The following GART variants were observed in gnomAD, a reference collection of about 807,000 sequenced individuals.
The protein encoded by GART is phosphoribosylglycinamide formyltransferase, phosphoribosylglycinamide synthetase, phosphoribosylaminoimidazole synthetase, also known as trifunctional purine biosynthetic protein adenosine-3.
Under a neutral mutation model 107.2 loss-of-function variants are expected in GART, and 43 were observed. The ratio of observed to expected loss-of-function variants is 0.40; its 90% CI spans 0.31 to 0.52. GART has a LOEUF of 0.52. Among genes scored for constraint, GART ranks in the 20% least tolerant of loss-of-function variants. The pLI is 0.52. For synonymous variants in GART, 434 were observed against 427.0 expected, an observed-to-expected ratio of 1.02 and a Z score of -0.20; for missense variants, 1,107 against 1,206.5, an observed-to-expected ratio of 0.92 and a Z score of 1.22.
At chr21:33,513,652 T>C (rs572548820) in intron 16 of GART, among the ~76,000 whole-genome samples, 3 of 152,340 alleles carry the variant, frequency 2.0e-5, no homozygotes, top group East Asian at 3.9e-4. Flanking sequence ...AGCTGGGAAA[T>C]GTCCATTCTT....
intron 5 of GART, 46 bp from the exon 6 acceptor site, chr21:33,531,603 T>C: frequency 6.6e-7 from 1 of 1,504,416 alleles, no homozygotes; most frequent in Non-Finnish European, 9.0e-7. Flanking sequence ...AAAAGAGGCT[T>C]GGTAAGTTTT....
In GART at chr21:33,517,126, G is replaced by A. The variant is rs368190761; in HGVS notation, c.1970C>T (p.Thr657Met). The A allele has an allele frequency of 1.8e-5, 29 of 1,609,072 alleles. No homozygotes were observed. In the Middle Eastern group the frequency reaches 5.0e-4, roughly 28 times the overall value. Residue 657 changes from threonine to methionine, a missense_variant, in exon 16 of 22, where the codon ACG (threonine) becomes ATG (methionine). Transcript: ENST00000381815. ...GDQTLGDLLL[T>M]PTRIYSHSLL... Reference sequence around the variant, plus strand: ...TGAATGGCTGTAGATTCTGGTAGGCGTGAGAAGTAAGTCCCCTGCATGTTG... The same window carrying A: ...TGAATGGCTGTAGATTCTGGTAGGCATGAGAAGTAAGTCCCCTGCATGTTG...
chr21:33,504,562 A>G, intron 20 of GART, 35 bp from the exon 21 acceptor site: 2 of 1,455,734 alleles, frequency 1.4e-6, no homozygotes, highest in South Asian at 2.3e-5. Flanking sequence ...GTCAGAATTT[A>G]AAAATCCTGG....
chr21:33,530,636 G>C (rs916997388), intron 7 of GART, 123 bp downstream of exon 7: 4 of 1,007,912 alleles, frequency 4.0e-6, no homozygotes, highest in African/African-American at 1.7e-5. Context: ...TTTAATTGCT[G>C]ATTAGTAACA....
chr21:33,533,966 G>A (rs971572856), intron 4 of GART, among the ~76,000 whole-genome samples: 8 of 151,984 alleles, frequency 5.3e-5, no homozygotes, highest in South Asian at 2.1e-4. Flanking sequence ...TGTGAAGAGC[G>A]CACAACTGCA....
At chr21:33,534,537 C>G in intron 4 of GART, 42 bp downstream of exon 4, 30 of 1,608,788 alleles carry the variant, frequency 1.9e-5, no homozygotes, top group Non-Finnish European at 2.5e-5. Context: ...ATTTAAATAT[C>G]AAAACTAAAC....
At chr21:33,506,126 A>C in intron 18 of GART, 22 bp from the exon 19 acceptor site, 1 of 1,602,780 alleles carries the variant, frequency 6.2e-7, no homozygotes, top group Non-Finnish European at 8.5e-7. Flanking sequence ...GAAAAACAGC[A>C]GTGAGCTCAT....
rs532608899 is a variant in GART, at chr21:33,540,499, C to T, written c.-41-1143G>A. Among the ~76,000 whole-genome samples, 14 of 152,256 alleles carry T rather than the reference C, an allele frequency of 9.2e-5. No homozygotes were observed. The South Asian group carries it at 2.9e-3, about 32-fold the overall frequency. ...GTTTGCTGACTCCTAATTCAAATAG[C>T]GCAATATGCTAGAATATTGGTAGAG... On this transcript the variant is annotated intron_variant, in intron 1 of 21. Coordinates refer to ENST00000381815, the MANE Select transcript of GART (RefSeq NM_000819.5).
intron 6 of GART, 37 bp downstream of exon 6, chr21:33,531,452 T>C (rs780153745): frequency 6.3e-7 from 1 of 1,581,360 alleles, no homozygotes; most frequent in Non-Finnish European, 8.7e-7. Context: ...GACAGCTTCT[T>C]ATACACTACA....
At chr21:33,531,707 G>C in intron 5 of GART, 150 bp from the exon 6 acceptor site, 1 of 656,492 alleles carries the variant, frequency 1.5e-6, no homozygotes. Flanking sequence ...GACTCAAAGG[G>C]AACATATAAA....
At chr21:33,523,075 T>C (rs1265302103) in intron 11 of GART, among the ~76,000 whole-genome samples, 2 of 152,224 alleles carry the variant, frequency 1.3e-5, no homozygotes, top group Non-Finnish European at 2.9e-5. Context: ...TCCTTCTGTA[T>C]AGGACCCACA....
At chr21:33,536,935 A>T (rs1233728243) in intron 2 of GART, among the ~76,000 whole-genome samples, 1 of 152,206 alleles carries the variant, frequency 6.6e-6, no homozygotes, top group Non-Finnish European at 1.5e-5. Context: ...GAAACTGTGG[A>T]AAGTAAAATT....
chr21:33,506,507 G>A (rs2084685263), intron 18 of GART, among the ~76,000 whole-genome samples: 4 of 152,136 alleles, frequency 2.6e-5, no homozygotes, highest in Admixed American at 6.6e-5. Context: ...CTGAATAAAT[G>A]TCTTGGAAAA....
At chr21:33,518,956 G>T in intron 14 of GART, 1 of 419,382 alleles carries the variant, frequency 2.4e-6, no homozygotes, top group East Asian at 6.1e-5. Context: ...GTGGATCTCT[G>T]GTCTTCATTT....
Position 33,522,292 on chromosome 21 carries a change from T to G in GART, c.1299-10A>C. 6.4e-7 allele frequency: 1 copy of G among 1,573,458 alleles called. No homozygotes were observed. Among genetic ancestry groups the G allele is most frequent in the Non-Finnish European group, 8.7e-7 (1 of 1,143,512 alleles). ...CTTGTAAGTCAAACTCCTAAAGAAT[T>G]AAAAACAAGTCATCACCTAAACGTC... On this transcript the variant is annotated splice_polypyrimidine_tract_variant and intron_variant, in intron 11 of 21. Coordinates refer to ENST00000381815, the MANE Select transcript of GART (RefSeq NM_000819.5).
intron 18 of GART, among the ~76,000 whole-genome samples, chr21:33,506,523 G>GTA (rs1447704788): frequency 6.6e-6 from 1 of 152,162 alleles, no homozygotes; most frequent in East Asian, 1.9e-4. Flanking sequence ...GAAAAGACTG[G>GTA]TGATATGTGA....
intron 1 of GART, 37 bp from the exon 2 acceptor site, chr21:33,539,393 C>A: frequency 1.3e-6 from 2 of 1,507,332 alleles, no homozygotes; most frequent in Non-Finnish European, 1.8e-6. Flanking sequence ...TCTTAGGATG[C>A]ACATTTTAGA....
At chr21:33,521,631 C>CA (rs571421187) in intron 12 of GART, among the ~76,000 whole-genome samples, 9,978 of 53,962 alleles carry the variant, frequency 0.18, 678 homozygotes, top group East Asian at 0.36. Context: ...GACTTTGTCT[C>CA]AAAAAAAAAA....
At chr21:33,511,607 A>G (rs1429847825) in intron 16 of GART, 149 bp from the exon 17 acceptor site, 1 of 763,460 alleles carries the variant, frequency 1.3e-6, no homozygotes, top group Non-Finnish European at 2.1e-6. Flanking sequence ...AGAACTTTTT[A>G]TTTGGGGATC....
Sources: gnomAD v4.1 joint callset for allele counts (sites outside exome capture counted in the v4.1 genomes callset) on GRCh38, gnomAD v4.1.1 for gene constraint, MANE v1.5 for transcripts, NCBI Gene and HGNC (gene_info 2026-07-23, HGNC 2026-07-21) for gene names.